The following GRIP1 variants were observed in gnomAD, a reference collection of about 807,000 sequenced individuals.
The protein encoded by GRIP1 is glutamate receptor interacting protein 1, also known as glutamate receptor-interacting protein 1.
GRIP1 carries 45 observed loss-of-function variants against 129.9 expected under a neutral mutation model. The ratio of observed to expected loss-of-function variants is 0.35; its 90% CI spans 0.27 to 0.44. The LOEUF is 0.44. Among genes scored for constraint, GRIP1 ranks in the 20% least tolerant of loss-of-function variants. The pLI is 1.00. For missense variants in GRIP1, 1,196 were observed against 1,396.8 expected (o/e 0.86, Z 2.29); for synonymous variants, 530 against 520.8 (o/e 1.02, Z -0.24).
At chr12:66,772,545 G>A (rs1414539035) in intron 1 of GRIP1, among the ~76,000 whole-genome samples, 2 of 152,146 alleles carry the variant, frequency 1.3e-5, no homozygotes, top group Admixed American at 1.3e-4. Flanking sequence ...TTTAACAGAG[G>A]GGTGTGAAAC....
intron 1 of GRIP1, among the ~76,000 whole-genome samples, chr12:66,707,533 G>A (rs2035575410): frequency 6.8e-6 from 1 of 147,420 alleles, no homozygotes; most frequent in Non-Finnish European, 1.5e-5. Context: ...AAAAAGATGT[G>A]GAAAACCTGT....
chr12:66,569,383 A>G (rs1158183492), intron 2 of GRIP1, among the ~76,000 whole-genome samples: 1 of 152,212 alleles, frequency 6.6e-6, no homozygotes, highest in Admixed American at 6.5e-5. Flanking sequence ...AAGCTGAGGC[A>G]GGAGAATCGC....
In GRIP1 at chr12:66,517,661, ATGGTGG is replaced by A. The variant is rs2060885887; in HGVS notation, c.578+234_578+239del. Among the ~76,000 whole-genome samples, 3 of 152,142 alleles carry A rather than the reference ATGGTGG, an allele frequency of 2.0e-5. No homozygotes were observed. The South Asian group carries it at 6.2e-4, about 31-fold the overall frequency. On this transcript the variant is annotated intron_variant, in intron 6 of 24. Coordinates refer to ENST00000359742, the MANE Select transcript of GRIP1 (RefSeq NM_001366722.1). Reference sequence around the variant, plus strand: ...GGTGGTATTATTACCTACATTTCCAATGGTGGTGGAAATTGACCTCAGTATTAAGTC... The same window carrying A: ...GGTGGTATTATTACCTACATTTCCAATGGAAATTGACCTCAGTATTAAGTC...
intron 7 of GRIP1, among the ~76,000 whole-genome samples, chr12:66,502,993 G>A (rs548326805): frequency 2.0e-5 from 3 of 152,260 alleles, no homozygotes; most frequent in African/African-American, 4.8e-5. Flanking sequence ...CCCCACCTAC[G>A]AGGAATGTCA....
chr12:67,037,035 A>C (rs1404294170), intron 1 of GRIP1, among the ~76,000 whole-genome samples: 1 of 152,094 alleles, frequency 6.6e-6, no homozygotes, highest in East Asian at 1.9e-4. Flanking sequence ...TCTCTGAATA[A>C]AAATATAATA....
intron 1 of GRIP1, among the ~76,000 whole-genome samples, chr12:67,026,186 A>C (rs1235145651): frequency 6.6e-6 from 1 of 151,902 alleles, no homozygotes; most frequent in African/African-American, 2.4e-5. Flanking sequence ...CTCTTTGTTT[A>C]AAAAAAAGCA....
intron 1 of GRIP1, among the ~76,000 whole-genome samples, chr12:66,633,536 G>C (rs1459765140): frequency 6.6e-6 from 1 of 152,062 alleles, no homozygotes; most frequent in African/African-American, 2.4e-5. Context: ...TGTGGAGAGA[G>C]AGGGAAATGG....
intron 7 of GRIP1, among the ~76,000 whole-genome samples, chr12:66,501,650 T>A (rs1322354492): frequency 6.6e-6 from 1 of 152,132 alleles, no homozygotes; most frequent in East Asian, 1.9e-4. Context: ...TCAAAGAAAC[T>A]CATCACACAA....
intron 7 of GRIP1, among the ~76,000 whole-genome samples, chr12:66,491,796 T>A (rs2060110617): frequency 6.6e-6 from 1 of 152,222 alleles, no homozygotes; most frequent in African/African-American, 2.4e-5. Flanking sequence ...ATGAAAATAC[T>A]TGCCACCAAG....
At chr12:66,595,037 G>C (rs778467929) in intron 2 of GRIP1, among the ~76,000 whole-genome samples, 1 of 152,110 alleles carries the variant, frequency 6.6e-6, no homozygotes, top group Non-Finnish European at 1.5e-5. Context: ...CCTCTGGCTG[G>C]TGCAATCTTT....
At chr12:66,517,786 T>C (rs1229369829) in intron 6 of GRIP1, 115 bp downstream of exon 6, 3 of 714,188 alleles carry the variant, frequency 4.2e-6, no homozygotes, top group Non-Finnish European at 7.7e-6. Context: ...CATTGTAACA[T>C]GTTTGCTTAA....
intron 1 of GRIP1, among the ~76,000 whole-genome samples, chr12:66,914,417 G>C (rs982183931): frequency 1.3e-5 from 2 of 152,090 alleles, no homozygotes; most frequent in African/African-American, 4.8e-5. Flanking sequence ...AATTTTACTT[G>C]CATCATCTTT....
chr12:66,973,588 A>G (rs928910442), intron 1 of GRIP1, among the ~76,000 whole-genome samples: 6 of 152,112 alleles, frequency 3.9e-5, no homozygotes, highest in African/African-American at 1.4e-4. Flanking sequence ...CTTAAATCAA[A>G]GCATCACAAC....
intron 2 of GRIP1, among the ~76,000 whole-genome samples, chr12:66,548,074 C>A (rs1296225313): frequency 1.3e-5 from 2 of 152,158 alleles, no homozygotes; most frequent in East Asian, 3.9e-4. Flanking sequence ...TTGAAAAGTT[C>A]CTCCAGTGGA....
chr12:66,998,609 C>T (rs140302705), intron 1 of GRIP1, among the ~76,000 whole-genome samples: 60 of 152,126 alleles, frequency 3.9e-4, no homozygotes, highest in African/African-American at 1.3e-3. Context: ...CACACACTTG[C>T]CCATCACCCC....
chr12:66,814,130 TTATA>T (rs909093519), intron 1 of GRIP1, among the ~76,000 whole-genome samples: 13 of 151,882 alleles, frequency 8.6e-5, no homozygotes, highest in African/African-American at 3.1e-4. Context: ...GTTACATACT[TTATA>T]TATAGTTATA....
At chr12:66,353,690 G>A in intron 23 of GRIP1, 127 bp from the exon 24 acceptor site, 1 of 844,666 alleles carries the variant, frequency 1.2e-6, no homozygotes, top group South Asian at 1.4e-5. Flanking sequence ...GCATCAGTCA[G>A]CTCCCTGCAC....
At chr12:66,583,090 A>G (rs1222835079) in intron 2 of GRIP1, among the ~76,000 whole-genome samples, 3 of 151,824 alleles carry the variant, frequency 2.0e-5, no homozygotes, top group African/African-American at 7.2e-5. Flanking sequence ...CAGAGCCCTC[A>G]GAAATAACGC....
At chr12:67,044,685 G>T (rs1277267738) in intron 1 of GRIP1, among the ~76,000 whole-genome samples, 1 of 152,000 alleles carries the variant, frequency 6.6e-6, no homozygotes, top group Non-Finnish European at 1.5e-5. Context: ...CTCCTCTAGT[G>T]ACTGTCATAA....
Sources: allele counts gnomAD v4.1 joint callset (sites outside exome capture counted in the v4.1 genomes callset), GRCh38; gene constraint gnomAD v4.1.1; transcripts MANE v1.5; gene names NCBI Gene and HGNC (gene_info 2026-07-23, HGNC 2026-07-21).